PHF24: variants seen among roughly 807,000 people sequenced by gnomAD.
PHF24 encodes the protein PHD finger protein 24.
In PHF24, 25 loss-of-function variants were observed where a neutral mutation model predicts 42.6. The ratio of observed to expected loss-of-function variants is 0.59; its 90% confidence interval spans 0.43 to 0.82. PHF24 has a LOEUF of 0.82. PHF24 is among the 40% of genes least tolerant of loss of function. PHF24 has a pLI of 0.00. For missense variants in PHF24, 470 were observed against 538.1 expected (o/e 0.87, Z 1.25); for synonymous variants, 185 against 204.8 (o/e 0.90, Z 0.83).
chr9:34,847,059 CT>C, the PHF24 span, among the ~76,000 whole-genome samples: 1 of 152,274 alleles, frequency 6.6e-6, no homozygotes, highest in African/African-American at 2.4e-5. Context: ...GTTCTTTTGG[CT>C]TAGGATTGAC....
At chr9:34,936,193 C>A in the PHF24 span, among the ~76,000 whole-genome samples, 1 of 152,266 alleles carries the variant, frequency 6.6e-6, no homozygotes, top group Middle Eastern at 3.4e-3. Context: ...CTCAGCCTGC[C>A]GAGTGCCTGC....
the PHF24 span, among the ~76,000 whole-genome samples, chr9:34,796,105 T>C: frequency 2.2e-5 from 3 of 138,094 alleles, no homozygotes. Flanking sequence ...ACAAAATAAA[T>C]TCAATGAACA....
chr9:34,790,365 A>G, the PHF24 span, among the ~76,000 whole-genome samples: 1 of 152,204 alleles, frequency 6.6e-6, no homozygotes, highest in Non-Finnish European at 1.5e-5. Flanking sequence ...TGTTTTTGTC[A>G]TCAGGCATTT....
At chr9:34,879,539 A>G in the PHF24 span, among the ~76,000 whole-genome samples, 1 of 152,246 alleles carries the variant, frequency 6.6e-6, no homozygotes, top group South Asian at 2.1e-4. Flanking sequence ...ACCATGGCAC[A>G]GGAACTACGT....
the PHF24 span, among the ~76,000 whole-genome samples, chr9:34,947,510 C>T: frequency 6.6e-6 from 1 of 152,132 alleles, no homozygotes; most frequent in East Asian, 1.9e-4. Context: ...TATATAAATG[C>T]TGACATACTT....
chr9:34,873,615 G>A, the PHF24 span, among the ~76,000 whole-genome samples: 1 of 151,798 alleles, frequency 6.6e-6, no homozygotes, highest in African/African-American at 2.4e-5. Context: ...TAGCCTTGTA[G>A]TATAGTTTGA....
At chr9:34,742,188 G>A in the PHF24 span, among the ~76,000 whole-genome samples, 2 of 152,186 alleles carry the variant, frequency 1.3e-5, no homozygotes, top group African/African-American at 4.8e-5. Context: ...GCGCAAATAT[G>A]CCCAGATTGA....
the PHF24 span, among the ~76,000 whole-genome samples, chr9:34,902,633 G>A: frequency 1.2e-4 from 18 of 151,882 alleles, no homozygotes; most frequent in African/African-American, 4.1e-4. Context: ...CAGCCTGGGC[G>A]ACAGAGTAAG....
At chr9:34,893,435 T>C in the PHF24 span, among the ~76,000 whole-genome samples, 20 of 150,932 alleles carry the variant, frequency 1.3e-4, no homozygotes, top group East Asian at 4.0e-3. Flanking sequence ...ACCCCGTCTC[T>C]ACTAAAAATA....
chr9:34,886,360 C>T, the PHF24 span, among the ~76,000 whole-genome samples: 1 of 152,026 alleles, frequency 6.6e-6, no homozygotes, highest in Non-Finnish European at 1.5e-5. Flanking sequence ...ACCAACTGCT[C>T]TTCTTCCATT....
At chr9:34,815,461 T>G in the PHF24 span, among the ~76,000 whole-genome samples, 1 of 152,214 alleles carries the variant, frequency 6.6e-6, no homozygotes, top group Non-Finnish European at 1.5e-5. Context: ...TAGCTGGGAC[T>G]ACAGGCGCCC....
chr9:34,715,944 C>G, the PHF24 span, among the ~76,000 whole-genome samples: 14 of 152,206 alleles, frequency 9.2e-5, no homozygotes, highest in African/African-American at 2.7e-4. Flanking sequence ...AGCAGATGCT[C>G]CCAGCTTGGC....
the PHF24 span, among the ~76,000 whole-genome samples, chr9:34,682,157 T>TG: frequency 6.8e-6 from 1 of 146,808 alleles, no homozygotes. Flanking sequence ...TCTATTTTTT[T>TG]TTTTTTTTTT....
chr9:34,709,420 G>T, the PHF24 span: 1 of 1,610,964 alleles, frequency 6.2e-7, no homozygotes, highest in Non-Finnish European at 8.5e-7. Context: ...GTCTGTGACC[G>T]CTCAGTCCTG....
chr9:34,950,558 T>C, the PHF24 span, among the ~76,000 whole-genome samples: 1 of 152,046 alleles, frequency 6.6e-6, no homozygotes, highest in Admixed American at 6.6e-5. Flanking sequence ...AATTTAAATA[T>C]ATCAAAATTT....
intron 1 of PHF24, among the ~76,000 whole-genome samples, chr9:34,962,662 C>G (rs905548785): frequency 2.4e-4 from 36 of 152,174 alleles, no homozygotes; most frequent in African/African-American, 8.4e-4. Flanking sequence ...TTTCAGGGAA[C>G]CAGAGCAGAA....
At chr9:34,977,272 C>T in intron 6 of PHF24, 29 bp downstream of exon 6, 1 of 1,556,382 alleles carries the variant, frequency 6.4e-7, no homozygotes, top group Non-Finnish European at 8.7e-7. Context: ...CTGGTCCCCA[C>T]TCAGCCTCTC....
the PHF24 span, among the ~76,000 whole-genome samples, chr9:34,939,766 G>A: frequency 6.6e-6 from 1 of 152,200 alleles, no homozygotes; most frequent in Non-Finnish European, 1.5e-5. Context: ...GGGGACTGAG[G>A]AGCAGCTCCT....
At chr9:34,837,796 A>G in the PHF24 span, 48 of 794,012 alleles carry the variant, frequency 6.0e-5, no homozygotes, top group Admixed American at 2.6e-4. Flanking sequence ...CCCTTTCTAT[A>G]TATCTATCTG....
Sources: allele counts gnomAD v4.1 joint callset (sites outside exome capture counted in the v4.1 genomes callset), GRCh38; gene constraint gnomAD v4.1.1; transcripts MANE v1.5; gene names NCBI Gene and HGNC (gene_info 2026-07-23, HGNC 2026-07-21).